The following PLXNA4 variants were observed in gnomAD, a reference collection of about 807,000 sequenced individuals.
PLXNA4 encodes plexin-A4.
PLXNA4 carries 44 observed loss-of-function variants against 191.8 expected under a neutral mutation model. The observed-to-expected ratio is 0.23, with a 90% CI of 0.18 to 0.29. PLXNA4 has a LOEUF of 0.29. Among genes scored for constraint, PLXNA4 ranks in the 10% least tolerant of loss-of-function variants. The pLI is 1.00. For missense variants in PLXNA4, 1,800 were observed against 2,488.8 expected, an observed-to-expected ratio of 0.72 and a Z score of 5.89; for synonymous variants, 1,082 against 1,009.5, an observed-to-expected ratio of 1.07 and a Z score of -1.36.
chr7:132,124,932 CT>C lies in PLXNA4; in HGVS notation c.*5546del, dbSNP rs1794727652. On this transcript the variant is annotated 3_prime_UTR_variant, in exon 32 of 32. Coordinates refer to ENST00000321063, the MANE Select transcript of PLXNA4 (RefSeq NM_020911.2). ...CTACTCAAGGAATTTAATCGGGATC[CT>C]AATGAGTATGTATTTCTCTTACAAC... 1 of 151,982 alleles carries C rather than the reference CT, an allele frequency of 6.6e-6. No individual in the cohort carries two copies. The highest frequency in any genetic ancestry group is 2.1e-4 in the South Asian group (1 of 4,828). 9.4% of individuals were successfully genotyped at this position (151,982 alleles called of 1,614,324 possible).
chr7:132,610,053 C>A lies in PLXNA4; in HGVS notation c.-87+35875G>T, dbSNP rs187935335. Among the ~76,000 whole-genome samples the A allele has an allele frequency of 3.3e-5, 5 of 152,332 alleles. No homozygotes were observed. The East Asian group carries it at 9.6e-4, about 29-fold the overall frequency. ...GTGAGTTGTAATTATGCCCAGCTCT[C>A]TTCACAAGGTCCTTCCCTTCCTTTA... On this transcript the variant is annotated intron_variant, in intron 2 of 4. Coordinates refer to the PLXNA4 transcript ENST00000378539.
intron 24 of PLXNA4, among the ~76,000 whole-genome samples, chr7:132,163,539 C>A (rs1315115103): frequency 6.6e-6 from 1 of 152,216 alleles, no homozygotes; most frequent in Non-Finnish European, 1.5e-5. Flanking sequence ...TCCCAAAGGC[C>A]ATGCTCTTGA....
chr7:132,294,282 A>G (rs780509305), intron 4 of PLXNA4, among the ~76,000 whole-genome samples: 4 of 152,224 alleles, frequency 2.6e-5, no homozygotes, highest in Non-Finnish European at 5.9e-5. Context: ...GGAGCCTGCC[A>G]TATTGCAGGA....
intron 3 of PLXNA4, among the ~76,000 whole-genome samples, chr7:132,325,259 G>A (rs1802314336): frequency 6.6e-6 from 1 of 152,168 alleles, no homozygotes; most frequent in Non-Finnish European, 1.5e-5. Flanking sequence ...CATTGAAGAA[G>A]CTTCTGGATA....
chr7:132,635,526 C>T (rs975667350), intron 2 of PLXNA4, among the ~76,000 whole-genome samples: 2 of 152,044 alleles, frequency 1.3e-5, no homozygotes, highest in African/African-American at 4.8e-5. Context: ...ACGATGTTCC[C>T]AGCAATTAGA....
chr7:132,447,050 C>G (rs929914966), intron 3 of PLXNA4, among the ~76,000 whole-genome samples: 1 of 152,174 alleles, frequency 6.6e-6, no homozygotes, highest in Non-Finnish European at 1.5e-5. Flanking sequence ...TCATTTCATC[C>G]TCCTATCCCC....
intron 30 of PLXNA4, 34 bp downstream of exon 30, chr7:132,140,565 G>A: frequency 1.2e-6 from 2 of 1,606,236 alleles, no homozygotes; most frequent in Middle Eastern, 2.1e-4. Flanking sequence ...CTCCAGCAAG[G>A]GGCCCTGACT....
intron 1 of PLXNA4, among the ~76,000 whole-genome samples, chr7:132,556,288 T>G (rs1405646097): frequency 6.6e-6 from 1 of 152,212 alleles, no homozygotes; most frequent in Non-Finnish European, 1.5e-5. Context: ...GCTGTCCACC[T>G]GCAGGGTTGA....
At chr7:132,151,529 A>AAGG (rs1400184366) in intron 25 of PLXNA4, among the ~76,000 whole-genome samples, 9 of 59,674 alleles carry the variant, frequency 1.5e-4, no homozygotes, top group South Asian at 6.9e-4. Flanking sequence ...GAGGAGGAGA[A>AAGG]AGGAGGAGGA....
At chr7:132,165,822 G>A (rs959555022) in intron 22 of PLXNA4, among the ~76,000 whole-genome samples, 10 of 151,992 alleles carry the variant, frequency 6.6e-5, no homozygotes, top group African/African-American at 2.2e-4. Context: ...TGGCCAAACT[G>A]AGTCCACAGC....
chr7:132,172,945 C>A (rs1796337606), intron 21 of PLXNA4, among the ~76,000 whole-genome samples: 2 of 152,188 alleles, frequency 1.3e-5, no homozygotes, highest in African/African-American at 4.8e-5. Flanking sequence ...TCCCGTCCTA[C>A]AACCCCCGTT....
chr7:132,137,903 G>C (rs1337912661), intron 30 of PLXNA4, among the ~76,000 whole-genome samples: 1 of 151,604 alleles, frequency 6.6e-6, no homozygotes, highest in African/African-American at 2.4e-5. Flanking sequence ...GGACGGATGA[G>C]AGGATGAGTA....
At chr7:132,352,689 C>A (rs952492142) in intron 3 of PLXNA4, among the ~76,000 whole-genome samples, 5 of 152,206 alleles carry the variant, frequency 3.3e-5, no homozygotes, top group Non-Finnish European at 7.3e-5. Flanking sequence ...TTGTGACCAA[C>A]TTCTCAAAGC....
intron 3 of PLXNA4, among the ~76,000 whole-genome samples, chr7:132,445,475 C>G (rs1310431447): frequency 6.6e-6 from 1 of 151,674 alleles, no homozygotes; most frequent in African/African-American, 2.4e-5. Flanking sequence ...CACAACACAT[C>G]TAGTTGCCTA....
intron 3 of PLXNA4, among the ~76,000 whole-genome samples, chr7:132,311,416 C>T (rs1801737705): frequency 6.6e-6 from 1 of 152,076 alleles, no homozygotes; most frequent in African/African-American, 2.4e-5. Flanking sequence ...TTCCCCACTC[C>T]CTAGGAGCTT....
chr7:132,338,937 C>T (rs1426815813), intron 3 of PLXNA4, among the ~76,000 whole-genome samples: 3 of 152,118 alleles, frequency 2.0e-5, no homozygotes, highest in African/African-American at 4.8e-5. Context: ...TCACTGCTGG[C>T]GAGATGACAC....
intron 2 of PLXNA4, among the ~76,000 whole-genome samples, chr7:132,639,868 T>C (rs1287373216): frequency 6.6e-6 from 1 of 152,172 alleles, no homozygotes; most frequent in African/African-American, 2.4e-5. Context: ...GAGTCATGGG[T>C]AGAAAGGGCA....
intron 2 of PLXNA4, among the ~76,000 whole-genome samples, chr7:132,602,223 A>G (rs1338379191): frequency 2.0e-5 from 3 of 152,186 alleles, no homozygotes; most frequent in Non-Finnish European, 4.4e-5. Flanking sequence ...GGACAAAAAT[A>G]TGAGAACTTT....
chr7:132,220,572 C>G (rs1584862484), intron 9 of PLXNA4, among the ~76,000 whole-genome samples: 2 of 152,106 alleles, frequency 1.3e-5, no homozygotes, highest in Non-Finnish European at 2.9e-5. Context: ...AGTATGGCAG[C>G]AAGAGCTTAG....
Sources: allele counts gnomAD v4.1 joint callset (sites outside exome capture counted in the v4.1 genomes callset), GRCh38; gene constraint gnomAD v4.1.1; transcripts MANE v1.5; gene names NCBI Gene and HGNC (gene_info 2026-07-23, HGNC 2026-07-21).